The following LMLN variants were observed in gnomAD, a reference collection of about 807,000 sequenced individuals.
The protein encoded by LMLN is leishmanolysin like peptidase, also known as leishmanolysin-like peptidase.
In LMLN, 70 loss-of-function variants were observed where a neutral mutation model predicts 92.3. That is an observed-to-expected ratio of 0.76 (90% confidence interval 0.63 to 0.92). LMLN has a LOEUF of 0.92. Among genes scored for constraint, LMLN ranks in the 40% least tolerant of loss-of-function variants. The pLI, the probability that LMLN is intolerant of heterozygous loss-of-function variation, is 0.00. For missense variants in LMLN, 691 were observed against 814.6 expected, an observed-to-expected ratio of 0.85 and a Z score of 1.85; for synonymous variants, 308 against 296.2, an observed-to-expected ratio of 1.04 and a Z score of -0.41.
intron 8 of LMLN, among the ~76,000 whole-genome samples, chr3:197,988,512 G>T (rs1167431120): frequency 7.4e-6 from 1 of 134,588 alleles, no homozygotes; most frequent in Non-Finnish European, 1.6e-5. Flanking sequence ...TTTTGAGGCA[G>T]GGTCTCACTC....
chr3:197,976,294 A>T, intron 4 of LMLN, 183 bp downstream of exon 4: 1 of 504,886 alleles, frequency 2.0e-6, no homozygotes. Context: ...TCTTTCCCTG[A>T]CCTTTCATTG....
chr3:198,002,095 T>A (rs1722189986), intron 11 of LMLN, among the ~76,000 whole-genome samples: 1 of 152,202 alleles, frequency 6.6e-6, no homozygotes, highest in Non-Finnish European at 1.5e-5. Flanking sequence ...TAAAACAAAT[T>A]GATTGCTTTC....
In LMLN at chr3:197,983,989, C is replaced by T; in HGVS notation, c.775C>T (p.Gln259Ter). 2 of 1,613,826 alleles carry T rather than the reference C, an allele frequency of 1.2e-6. No homozygotes were observed. The highest frequency in any genetic ancestry group is 8.5e-7 in the Non-Finnish European group (1 of 1,179,784). ...CCTGTGTCCAAATATGATCTCTACC[C>T]AGCCTCAGGAGTTTGTTGGGATGCT... is the stretch of plus-strand genomic sequence containing the variant. The change falls in exon 7 of 16, where the codon CAG (glutamine) becomes TAG (stop). Residue 259 changes from glutamine (Q) to a stop codon, truncating the protein, a stop_gained. Coordinates refer to ENST00000330198, the Ensembl canonical transcript of LMLN. LOFTEE classifies it high-confidence loss of function.
chr3:197,986,591 G>A (rs1256848819), intron 8 of LMLN, among the ~76,000 whole-genome samples: 2 of 152,234 alleles, frequency 1.3e-5, no homozygotes, highest in African/African-American at 4.8e-5. Context: ...GAATGATAAA[G>A]AGAGATTGGA....
intron 1 of LMLN, among the ~76,000 whole-genome samples, chr3:197,969,580 T>A (rs1308605628): frequency 6.6e-6 from 1 of 152,196 alleles, no homozygotes; most frequent in Non-Finnish European, 1.5e-5. Flanking sequence ...GCATCCTTTT[T>A]ACCAGTTCTT....
At chr3:197,985,288 T>C (rs1721673635) in intron 7 of LMLN, among the ~76,000 whole-genome samples, 1 of 151,822 alleles carries the variant, frequency 6.6e-6, no homozygotes, top group Non-Finnish European at 1.5e-5. Context: ...GCGCGGTGGC[T>C]CTCGCCTGTA....
At chr3:198,027,886 A>G (rs1386067704) in intron 14 of LMLN, among the ~76,000 whole-genome samples, 1 of 152,178 alleles carries the variant, frequency 6.6e-6, no homozygotes, top group African/African-American at 2.4e-5. Flanking sequence ...TTGCTGTATC[A>G]TATGGCAATT....
At chr3:197,976,004 CT>C (rs763582344) in intron 3 of LMLN, 24 bp from the exon 4 acceptor site, 48,131 of 958,880 alleles carry the variant, frequency 0.05, 50 homozygotes, top group African/African-American at 0.066. Flanking sequence ...AATTCTGTTT[CT>C]TTTTTTTTTT....
chr3:197,960,318 G>A (rs1408510458), exon 1 of LMLN: 1 of 1,613,878 alleles, frequency 6.2e-7, no homozygotes. Context: ...GCGCTGGAGC[G>A]GGTCTGTGTG....
intron 8 of LMLN, among the ~76,000 whole-genome samples, chr3:197,989,737 CA>C (rs145263017): frequency 0.065 from 9,821 of 152,220 alleles, 373 homozygotes; most frequent in African/African-American, 0.1. Flanking sequence ...AAACACTTAT[CA>C]GGGCTAGGCC....
At chr3:198,001,981 G>A (rs1228562632) in intron 11 of LMLN, among the ~76,000 whole-genome samples, 4 of 151,674 alleles carry the variant, frequency 2.6e-5, no homozygotes, top group Non-Finnish European at 5.9e-5. Flanking sequence ...TTACTGTTTT[G>A]ATAATGCTAA....
chr3:198,000,149 C>T (rs1722131900), intron 11 of LMLN, among the ~76,000 whole-genome samples: 1 of 152,122 alleles, frequency 6.6e-6, no homozygotes, highest in South Asian at 2.1e-4. Context: ...GCCTTGGCCT[C>T]CCAAAGTGCT....
intron 5 of LMLN, among the ~76,000 whole-genome samples, chr3:197,977,544 A>T (rs1721423053): frequency 6.6e-6 from 1 of 152,138 alleles, no homozygotes; most frequent in African/African-American, 2.4e-5. Flanking sequence ...CTGGATACAT[A>T]TAAAAATCAT....
In LMLN at chr3:197,980,597, C is replaced by A. The variant is rs182365044; in HGVS notation, c.728+93C>A. On this transcript the variant is annotated intron_variant, in intron 6 of 15. Transcript: ENST00000330198. ...TAGTGTTAAGATTACAGGAATCTTGCATTTGCCAGATTGCCTCTGGTAGAC... is the reference window on the plus strand; with the variant it reads ...TAGTGTTAAGATTACAGGAATCTTGAATTTGCCAGATTGCCTCTGGTAGAC... 6 of 1,281,536 alleles carry A rather than the reference C, an allele frequency of 4.7e-6. No individual in the cohort carries two copies. The African/African-American group carries it at 7.4e-5, about 16-fold the overall frequency. The allele number at this position is 1,281,536 out of a possible 1,614,324, so 79.4% of individuals were successfully genotyped here.
chr3:197,961,905 C>T (rs1581122086), intron 1 of LMLN, among the ~76,000 whole-genome samples: 1 of 152,148 alleles, frequency 6.6e-6, no homozygotes, highest in East Asian at 1.9e-4. Context: ...CGCATGGACC[C>T]ATCACCTAGC....
intron 1 of LMLN, among the ~76,000 whole-genome samples, chr3:197,972,844 G>C (rs919260861): frequency 2.0e-5 from 3 of 152,114 alleles, no homozygotes; most frequent in African/African-American, 7.2e-5. Context: ...GAATTTAGTG[G>C]TCAGTCAAAT....
At chr3:198,021,474 C>G (rs1323201918) in exon 13 of LMLN, 1 of 1,614,076 alleles carries the variant, frequency 6.2e-7, no homozygotes, top group South Asian at 1.1e-5. Context: ...GGAATACCTG[C>G]AGAAGATTTG....
intron 14 of LMLN, among the ~76,000 whole-genome samples, chr3:198,030,670 C>A (rs746231468): frequency 9.2e-5 from 14 of 152,152 alleles, no homozygotes; most frequent in Admixed American, 2.0e-4. Flanking sequence ...TCCTGGAGGT[C>A]CCTCTGGTCC....
At chr3:197,968,043 T>C (rs369232499) in intron 1 of LMLN, among the ~76,000 whole-genome samples, 61 of 152,356 alleles carry the variant, frequency 4.0e-4, no homozygotes, top group African/African-American at 1.5e-3. Context: ...TTTCATATTG[T>C]TCAAACACAC....
Sources: allele counts gnomAD v4.1 joint callset (sites outside exome capture counted in the v4.1 genomes callset), GRCh38; gene constraint gnomAD v4.1.1; transcripts MANE v1.5; gene names NCBI Gene and HGNC (gene_info 2026-07-23, HGNC 2026-07-21).